Variants in CLVS2 observed in about 807,000 individuals in gnomAD.
The protein encoded by CLVS2 is clavesin-2.
In CLVS2, 19 loss-of-function variants were observed where a neutral mutation model predicts 29.0. That is an observed-to-expected ratio of 0.66 (90% CI 0.46 to 0.96). CLVS2 has a LOEUF of 0.96. Among genes scored for constraint, CLVS2 ranks in the 40% least tolerant of loss-of-function variants. The pLI is 0.00. For synonymous variants in CLVS2, 161 were observed against 151.3 expected (o/e 1.06, Z -0.47); for missense variants, 294 against 404.1 (o/e 0.73, Z 2.34).
intron 3 of CLVS2, among the ~76,000 whole-genome samples, chr6:123,047,745 GT>G (rs67598342): frequency 1.9e-4 from 28 of 150,514 alleles, no homozygotes; most frequent in Admixed American, 5.3e-4. Context: ...TAGTAGGCTA[GT>G]TTTTTTTTTC....
At position 123,021,368 on chromosome 6, in the gene CLVS2, A is replaced by G. The variant is rs574750870; in HGVS notation, c.564+10209A>G. On this transcript the variant is annotated intron_variant, in intron 3 of 5. Transcript: ENST00000275162. ...CCTTTTTTGTTATGTTTGGCATTTA[A>G]GCACGCAACCGGGAGGGGATCTTTT... Among the ~76,000 whole-genome samples, 7 of 152,104 alleles carry G rather than the reference A, an allele frequency of 4.6e-5. No homozygotes were observed. In the East Asian group the frequency reaches 1.4e-3, roughly 29 times the overall value.
intron 5 of CLVS2, among the ~76,000 whole-genome samples, chr6:123,062,900 A>G (rs1209214209): frequency 6.6e-6 from 1 of 152,198 alleles, no homozygotes; most frequent in African/African-American, 2.4e-5. Context: ...GCCATGACAG[A>G]GCATGTTTCA....
chr6:123,037,733 G>A (rs1280989606), intron 3 of CLVS2, among the ~76,000 whole-genome samples: 9 of 151,920 alleles, frequency 5.9e-5, no homozygotes, highest in Admixed American at 5.9e-4. Context: ...TTAAAAAAAA[G>A]CTAAATTAAA....
At chr6:123,012,112 A>G (rs1024249719) in intron 3 of CLVS2, among the ~76,000 whole-genome samples, 1 of 151,888 alleles carries the variant, frequency 6.6e-6, no homozygotes, top group Non-Finnish European at 1.5e-5. Context: ...TTTCTTCTCC[A>G]TATAGGTTTT....
At chr6:123,054,491 G>C (rs1381565813) in intron 4 of CLVS2, among the ~76,000 whole-genome samples, 7 of 152,088 alleles carry the variant, frequency 4.6e-5, no homozygotes, top group African/African-American at 1.7e-4. Flanking sequence ...ATAATTTGTT[G>C]AAAATGCTTA....
Position 123,065,134 on chromosome 6 carries a change from A to T in CLVS2, c.*1373A>T, listed in dbSNP as rs572495569. 6.6e-6 allele frequency: 1 copy of T among 151,918 alleles called. No homozygotes were observed. The highest frequency in any genetic ancestry group is 1.5e-5 in the Non-Finnish European group (1 of 67,852). The allele number at this position is 151,918 out of a possible 1,614,324, so 9.4% of individuals were successfully genotyped here. A position where few individuals can be genotyped will look rare whatever the true frequency, so the allele number is the denominator to read the frequency against. On this transcript the variant is annotated 3_prime_UTR_variant, in exon 6 of 6. Transcript: ENST00000275162. ...TCTATGACAACATGTAATCATTTAT[A>T]CGTGGATTTAGAAATTTGCATATTT... is the stretch of plus-strand genomic sequence containing the variant.
chr6:123,004,309 T>C (rs1391274481), intron 2 of CLVS2, among the ~76,000 whole-genome samples: 1 of 152,192 alleles, frequency 6.6e-6, no homozygotes, highest in Non-Finnish European at 1.5e-5. Flanking sequence ...GAGAAAGACA[T>C]TTTGCCCGCA....
intron 5 of CLVS2, among the ~76,000 whole-genome samples, chr6:123,057,716 C>T (rs1012401543): frequency 1.2e-4 from 18 of 152,098 alleles, no homozygotes; most frequent in African/African-American, 3.9e-4. Context: ...TTCCTCTCTC[C>T]AGGCTGCTGC....
chr6:123,005,022 A>G (rs1774647203), intron 2 of CLVS2, among the ~76,000 whole-genome samples: 1 of 152,050 alleles, frequency 6.6e-6, no homozygotes, highest in African/African-American at 2.4e-5. Flanking sequence ...AGAGGGAAAG[A>G]GCACTGGTCT....
At position 123,025,176 on chromosome 6, in the gene CLVS2, G is replaced by A. The variant is rs145910272; in HGVS notation, c.564+14017G>A. 4.7e-4 allele frequency among the ~76,000 whole-genome samples: 72 copies of A among 152,176 alleles called. 1 individual carries two copies. Among genetic ancestry groups the A allele is most frequent in the African/African-American group, 1.6e-3 (67 of 41,520 alleles). ...AAGGGGGTTGCCCAGCTATTTAAAG[G>A]TCTGTTGGACACAGGAATTAAGCTG... On this transcript the variant is annotated intron_variant, in intron 3 of 5. Transcript: ENST00000275162.
intron 3 of CLVS2, among the ~76,000 whole-genome samples, chr6:123,026,064 G>C (rs1774996835): frequency 6.6e-6 from 1 of 152,062 alleles, no homozygotes; most frequent in Non-Finnish European, 1.5e-5. Context: ...GAAATAGAGT[G>C]AGACAGATTT....
At chr6:123,026,688 A>G (rs1430991397) in intron 3 of CLVS2, among the ~76,000 whole-genome samples, 1 of 152,204 alleles carries the variant, frequency 6.6e-6, no homozygotes, top group African/African-American at 2.4e-5. Flanking sequence ...ATTCATATAA[A>G]ATCCCAAATA....
chr6:123,049,804 T>TGGGGGGGG (rs531705671), intron 4 of CLVS2, among the ~76,000 whole-genome samples: 3 of 118,956 alleles, frequency 2.5e-5, no homozygotes, highest in East Asian at 2.1e-4. Flanking sequence ...TGTTGTGGGA[T>TGGGGGGGG]GGGGGGCGGG....
In CLVS2 at chr6:123,070,830, G is replaced by A. The variant is rs893571946; in HGVS notation, c.*7069G>A. ...CAAACTGTCATCTTTGCTGTTCCAG[G>A]AACTTGCTAAGCATGCCTCTACCTC... On this transcript the variant is annotated 3_prime_UTR_variant, in exon 6 of 6. Transcript: ENST00000275162. 3 of 151,840 alleles carry A rather than the reference G, an allele frequency of 2.0e-5. No individual in the cohort carries two copies. The highest frequency in any genetic ancestry group is 6.6e-5 in the Admixed American group (1 of 15,188). 9.4% of individuals were successfully genotyped at this position (151,840 alleles called of 1,614,324 possible).
At chr6:123,017,083 T>C (rs1018392458) in intron 3 of CLVS2, among the ~76,000 whole-genome samples, 2 of 85,376 alleles carry the variant, frequency 2.3e-5, no homozygotes, top group African/African-American at 9.9e-5. Context: ...AAATTGCATG[T>C]GTGTATGTGT....
intron 3 of CLVS2, among the ~76,000 whole-genome samples, chr6:123,022,119 T>C (rs377499214): frequency 6.6e-6 from 1 of 152,052 alleles, no homozygotes; most frequent in East Asian, 1.9e-4. Context: ...AGAGTATTCT[T>C]ACGTTTATTT....
chr6:123,005,428 G>T (rs560011672), intron 2 of CLVS2, among the ~76,000 whole-genome samples: 43 of 152,178 alleles, frequency 2.8e-4, no homozygotes, highest in Non-Finnish European at 4.6e-4. Flanking sequence ...TGAGGGGTGG[G>T]GGAAGCCTAA....
At chr6:123,060,304 A>T (rs1025676248) in intron 5 of CLVS2, among the ~76,000 whole-genome samples, 1 of 152,222 alleles carries the variant, frequency 6.6e-6, no homozygotes, top group Non-Finnish European at 1.5e-5. Context: ...CACTAGACTA[A>T]GTATTTTAGA....
rs1176105091 is a variant in CLVS2 at position 123,011,048 on chromosome 6, T to C, written c.453T>C (p.Pro151=). The C allele has an allele frequency of 5.0e-6, 8 of 1,610,022 alleles. No individual in the cohort carries two copies. The East Asian group carries it at 1.8e-4, about 36-fold the overall frequency. ...CTTTAGAAGCCATGATTGAAGATCC[T>C]GAGCTTCAAGTGAATGGGTTTGTTT... The part of the protein sequence containing the change: ...LLSLEAMIED[P]ELQVNGFVLI... The change falls in exon 3 of 6, where the codon CCT becomes CCC. Residue 151 remains proline, a synonymous_variant. Transcript: ENST00000275162.
Sources: allele counts gnomAD v4.1 joint callset (sites outside exome capture counted in the v4.1 genomes callset), GRCh38; gene constraint gnomAD v4.1.1; transcripts MANE v1.5; gene names NCBI Gene and HGNC (gene_info 2026-07-23, HGNC 2026-07-21).